PTPRT: variants seen among roughly 807,000 people sequenced by gnomAD.
PTPRT encodes the protein receptor-type tyrosine-protein phosphatase T.
In PTPRT, 56 loss-of-function variants were observed where a neutral mutation model predicts 176.8. The observed-to-expected ratio is 0.32, with a 90% CI of 0.26 to 0.40. The LOEUF (loss-of-function observed/expected upper bound fraction) is 0.40, where lower values mean the gene tolerates loss of function less well. PTPRT is among the 10% of genes least tolerant of loss of function. The pLI, the probability that PTPRT is intolerant of heterozygous loss-of-function variation, is 1.00. For missense variants in PTPRT, 1,540 were observed against 1,908.2 expected, an observed-to-expected ratio of 0.81 and a Z score of 3.60; for synonymous variants, 783 against 739.0, an observed-to-expected ratio of 1.06 and a Z score of -0.96.
At chr20:42,488,214 G>C (rs550084358) in intron 7 of PTPRT, among the ~76,000 whole-genome samples, 1 of 152,264 alleles carries the variant, frequency 6.6e-6, no homozygotes, top group South Asian at 2.1e-4. Flanking sequence ...GACCTTCTCA[G>C]GTGTCTCCTT....
intron 12 of PTPRT, among the ~76,000 whole-genome samples, chr20:42,306,132 G>A (rs538855235): frequency 2.0e-5 from 3 of 152,134 alleles, no homozygotes; most frequent in East Asian, 3.8e-4. Flanking sequence ...GCTCCCTCAG[G>A]TCTCATACCA....
chr20:42,893,940 T>A (rs1181923046), intron 1 of PTPRT, among the ~76,000 whole-genome samples: 2 of 151,876 alleles, frequency 1.3e-5, no homozygotes, highest in Admixed American at 6.6e-5. Context: ...GCCACACACC[T>A]GCATGGCATA....
chr20:42,590,054 A>G (rs902740009), intron 7 of PTPRT, among the ~76,000 whole-genome samples: 7 of 152,164 alleles, frequency 4.6e-5, no homozygotes, highest in African/African-American at 1.7e-4. Context: ...GAAGCTAAAC[A>G]TAAAAGTTAC....
intron 1 of PTPRT, among the ~76,000 whole-genome samples, chr20:43,064,672 C>T (rs552115623): frequency 7.9e-5 from 12 of 152,302 alleles, no homozygotes; most frequent in Admixed American, 3.3e-4. Flanking sequence ...TCAAAGAAGT[C>T]TTCTGGAAGT....
At chr20:43,129,585 C>T (rs1291639053) in intron 1 of PTPRT, among the ~76,000 whole-genome samples, 1 of 151,550 alleles carries the variant, frequency 6.6e-6, no homozygotes, top group Non-Finnish European at 1.5e-5. Context: ...TCCTCCAGCT[C>T]CACTCCCCTC....
chr20:42,932,660 A>G (rs1399501443), intron 1 of PTPRT, among the ~76,000 whole-genome samples: 1 of 152,004 alleles, frequency 6.6e-6, no homozygotes, highest in Non-Finnish European at 1.5e-5. Context: ...GAAGCCCTGA[A>G]TCCTGGCAAA....
chr20:42,956,586 T>TC (rs1045103995), intron 1 of PTPRT, among the ~76,000 whole-genome samples: 5 of 145,212 alleles, frequency 3.4e-5, no homozygotes, highest in African/African-American at 1.3e-4. Context: ...AATCTCTCTC[T>TC]TTTTTTTTTT....
At chr20:42,099,542 TGGGCGGG>T (rs1985669384) in intron 26 of PTPRT, among the ~76,000 whole-genome samples, 1 of 8,708 alleles carries the variant, frequency 1.1e-4, no homozygotes, top group Admixed American at 1.4e-3. Context: ...GAAAATGGCC[TGGGCGGG>T]GGGGGGGGGG....
At chr20:42,655,847 G>A (rs938496854) in intron 7 of PTPRT, among the ~76,000 whole-genome samples, 29 of 152,204 alleles carry the variant, frequency 1.9e-4, no homozygotes, top group African/African-American at 6.8e-4. Context: ...TAGAAAACAG[G>A]TAGGAAAAGT....
Position 42,315,890 on chromosome 20 carries a change from G to A in PTPRT, c.1972C>T (p.Leu658Phe). Residue 658 changes from leucine (L) to phenylalanine (F), a missense_variant, in exon 12 of 31, where the codon CTC becomes TTC. Transcript: ENST00000373187. ...VPVSYRNASS[L>F]DSLHYFAAEL... is the part of the protein sequence containing the mutation. ...GCAGCAAAGTAGTGTAGAGAATCGAGGCTGGAGGCATTCCGATAGCTCACG... is the reference window on the plus strand; with the variant it reads ...GCAGCAAAGTAGTGTAGAGAATCGAAGCTGGAGGCATTCCGATAGCTCACG... 2 of 1,614,176 alleles carry A rather than the reference G, an allele frequency of 1.2e-6. No individual in the cohort carries two copies. The highest frequency in any genetic ancestry group is 1.7e-6 in the Non-Finnish European group (2 of 1,180,032).
intron 14 of PTPRT, among the ~76,000 whole-genome samples, chr20:42,248,337 T>C (rs2056489770): frequency 6.6e-6 from 1 of 152,200 alleles, no homozygotes; most frequent in South Asian, 2.1e-4. Context: ...TCCATGTTCC[T>C]GGGGCTCCCG....
the PTPRT span, among the ~76,000 whole-genome samples, chr20:42,041,220 C>T: frequency 6.6e-6 from 1 of 152,152 alleles, no homozygotes; most frequent in African/African-American, 2.4e-5. Flanking sequence ...TTTTGGGGTT[C>T]TCTCTCCGGC....
chr20:42,058,173 C>G, the PTPRT span, among the ~76,000 whole-genome samples: 3 of 152,160 alleles, frequency 2.0e-5, no homozygotes, highest in Non-Finnish European at 2.9e-5. Context: ...GAGCACTATT[C>G]CCAGCTCTGA....
At position 43,000,061 on chromosome 20, in the gene PTPRT, AGGAGGGAGGGAGGGAG is replaced by A. The variant is rs3030231; in HGVS notation, c.89-114145_89-114130del. Reference sequence around the variant, plus strand: ...AAGAATGGAGGAAGGGAAGAAGGGAAGGAGGGAGGGAGGGAGGGAGGGAGGGAGGGAGGGAGGGAAT... The same window carrying A: ...AAGAATGGAGGAAGGGAAGAAGGGAAGGAGGGAGGGAGGGAGGGAGGGAAT... On this transcript the variant is annotated intron_variant, in intron 1 of 30. Transcript: ENST00000373187. 5.1e-3 allele frequency among the ~76,000 whole-genome samples: 419 copies of A among 81,932 alleles called. 8 individuals are homozygous for A. The highest frequency in any genetic ancestry group is 0.019 in the African/African-American group (358 of 18,810). The allele number at this position is 81,932 out of a possible 152,430, so 53.8% of individuals were successfully genotyped here.
intron 15 of PTPRT, among the ~76,000 whole-genome samples, chr20:42,231,290 C>A (rs1355417441): frequency 2.0e-5 from 3 of 152,204 alleles, no homozygotes; most frequent in African/African-American, 7.2e-5. Context: ...TCCCAAAGAA[C>A]AGGGCTTAGT....
chr20:42,081,900 G>A lies in PTPRT; in HGVS notation c.4254C>T (p.Ser1418=), dbSNP rs1488897277. ...TACTCACCAGGGTCTCCACCATGTT[G>A]GATTTGTTGTTACGCAGTGTTTTCA... ...HIVKTLRNNK[S]NMVETLEQYK... The change falls in exon 30 of 31, where the codon TCC becomes TCT. Residue 1418 remains serine, a synonymous_variant. Transcript: ENST00000373187. The A allele has an allele frequency of 8.1e-6, 13 of 1,614,074 alleles. No homozygotes were observed. Among genetic ancestry groups the A allele is most frequent in the Non-Finnish European group, 1.1e-5 (13 of 1,180,046 alleles).
intron 7 of PTPRT, among the ~76,000 whole-genome samples, chr20:42,600,678 T>C (rs148962689): frequency 6.0e-4 from 92 of 152,284 alleles, no homozygotes; most frequent in Non-Finnish European, 1.1e-3. Context: ...GTGAACCCGT[T>C]ATTTAGCTAC....
chr20:42,398,863 T>C (rs2058877178), intron 9 of PTPRT, among the ~76,000 whole-genome samples: 1 of 152,256 alleles, frequency 6.6e-6, no homozygotes. Flanking sequence ...AACTGCTCGA[T>C]GTCATTCAAG....
intron 1 of PTPRT, among the ~76,000 whole-genome samples, chr20:42,935,055 C>A (rs1600572073): frequency 7.6e-6 from 1 of 132,430 alleles, no homozygotes; most frequent in Middle Eastern, 4.7e-3. Flanking sequence ...CCAGCCTGGG[C>A]AACAGAGCAA....
Sources: allele counts gnomAD v4.1 joint callset (sites outside exome capture counted in the v4.1 genomes callset), GRCh38; gene constraint gnomAD v4.1.1; transcripts MANE v1.5; gene names NCBI Gene and HGNC (gene_info 2026-07-23, HGNC 2026-07-21).